Variants in SLIT3 observed in about 807,000 individuals in gnomAD.
SLIT3 encodes the protein slit guidance ligand 3, also known as slit homolog 3 protein.
Under a neutral mutation model 184.0 loss-of-function variants are expected in SLIT3, and 68 were observed. The ratio of observed to expected loss-of-function variants is 0.37; its 90% confidence interval spans 0.30 to 0.45. The LOEUF (loss-of-function observed/expected upper bound fraction) is 0.45, where lower values mean the gene tolerates loss of function less well. Ranked by LOEUF, SLIT3 falls within the 20% of genes least tolerant of loss-of-function variation. The probability of loss-of-function intolerance (pLI) is 1.00; values close to 1 mark genes in which losing one functional copy is unlikely to be tolerated. For synonymous variants in SLIT3, 831 were observed against 828.6 expected (o/e 1.00, Z -0.05); for missense variants, 1,707 against 2,026.0 (o/e 0.84, Z 3.02).
At chr5:168,723,237 ACC>A (rs1420332218) in intron 21 of SLIT3, among the ~76,000 whole-genome samples, 1 of 136,540 alleles carries the variant, frequency 7.3e-6, no homozygotes, top group African/African-American at 2.8e-5. Flanking sequence ...ACATCTACCC[ACC>A]CACCCACTTA....
chr5:168,740,811 T>C (rs1386783263), intron 20 of SLIT3, among the ~76,000 whole-genome samples: 6 of 152,236 alleles, frequency 3.9e-5, no homozygotes, highest in African/African-American at 7.2e-5. Flanking sequence ...GCCAATTATC[T>C]TTGTTATTTC....
chr5:169,202,711 T>G (rs1424029516), intron 3 of SLIT3, among the ~76,000 whole-genome samples: 2 of 151,910 alleles, frequency 1.3e-5, no homozygotes, highest in African/African-American at 2.4e-5. Context: ...TAGAGAACTC[T>G]GGGAGCTTGG....
In SLIT3 at chr5:168,726,338, T is replaced by G. The variant is rs72494510; in HGVS notation, c.2271-1854A>C. On this transcript the variant is annotated intron_variant, in intron 20 of 35. Transcript: ENST00000519560. ...CAGGCAATTAAAAATCAAATATAGG[T>G]GGAGAGGGAGGCAGGGAGGGAGAGG... is the stretch of plus-strand genomic sequence containing the variant. Among the ~76,000 whole-genome samples, 698 of 75,456 alleles carry G rather than the reference T, an allele frequency of 9.3e-3. 6 individuals are homozygous for G. Among genetic ancestry groups the G allele is most frequent in the East Asian group, 0.036 (54 of 1,520 alleles). The allele number at this position is 75,456 out of a possible 152,430, so 49.5% of individuals were successfully genotyped here. A position where few individuals can be genotyped will look rare whatever the true frequency, so the allele number is the denominator to read the frequency against.
At chr5:168,885,599 C>T (rs984915909) in intron 4 of SLIT3, among the ~76,000 whole-genome samples, 5 of 152,288 alleles carry the variant, frequency 3.3e-5, no homozygotes, top group Admixed American at 6.5e-5. Flanking sequence ...TGTAGGCCAC[C>T]GAGCCTTTGC....
chr5:169,285,852 C>G (rs1767135638), intron 1 of SLIT3, among the ~76,000 whole-genome samples: 1 of 152,204 alleles, frequency 6.6e-6, no homozygotes, highest in South Asian at 2.1e-4. Context: ...GTATTCAAGT[C>G]TCTCCTGGTC....
chr5:168,780,718 T>G (rs561733325), intron 12 of SLIT3, among the ~76,000 whole-genome samples: 1 of 152,362 alleles, frequency 6.6e-6, no homozygotes, highest in South Asian at 2.1e-4. Context: ...CTTCTTTTTA[T>G]TTCTCTAGTA....
chr5:169,124,829 T>C (rs1486352172), intron 4 of SLIT3, among the ~76,000 whole-genome samples: 2 of 152,218 alleles, frequency 1.3e-5, no homozygotes, highest in East Asian at 3.9e-4. Flanking sequence ...TACCTTCTAC[T>C]TCATGGCCTT....
chr5:168,689,453 C>G (rs1761844643), intron 29 of SLIT3, among the ~76,000 whole-genome samples: 1 of 152,184 alleles, frequency 6.6e-6, no homozygotes, highest in Admixed American at 6.5e-5. Context: ...CAGTCAGGCC[C>G]AGACTGATTC....
intron 4 of SLIT3, among the ~76,000 whole-genome samples, chr5:168,991,913 G>A (rs12518459): frequency 0.11 from 16,912 of 152,248 alleles, 1,313 homozygotes; most frequent in South Asian, 0.31. Context: ...TGGGGGCAAC[G>A]GCAGACCCTT....
chr5:169,051,491 C>G (rs1757813316), intron 4 of SLIT3, among the ~76,000 whole-genome samples: 1 of 152,108 alleles, frequency 6.6e-6, no homozygotes, highest in Admixed American at 6.5e-5. Context: ...TAATTGGAAT[C>G]AATAGACAGC....
At chr5:169,205,263 C>T (rs1456436014) in intron 3 of SLIT3, among the ~76,000 whole-genome samples, 1 of 152,202 alleles carries the variant, frequency 6.6e-6, no homozygotes, top group African/African-American at 2.4e-5. Context: ...TAGAGCTATG[C>T]AACTCCATGT....
At chr5:168,997,287 T>C (rs1358708877) in intron 4 of SLIT3, among the ~76,000 whole-genome samples, 3 of 152,258 alleles carry the variant, frequency 2.0e-5, no homozygotes, top group Admixed American at 2.0e-4. Flanking sequence ...ACACTTCGAC[T>C]GAGAATTTGT....
chr5:169,079,037 T>A (rs1758860933), intron 4 of SLIT3, among the ~76,000 whole-genome samples: 1 of 152,170 alleles, frequency 6.6e-6, no homozygotes, highest in Admixed American at 6.5e-5. Flanking sequence ...TTCCTAAAAT[T>A]CAGTCTCTGC....
At chr5:168,684,340 C>T (rs868110334) in intron 31 of SLIT3, among the ~76,000 whole-genome samples, 3 of 152,156 alleles carry the variant, frequency 2.0e-5, no homozygotes, top group South Asian at 4.1e-4. Context: ...TACTGTGCAC[C>T]ACTATGTTCA....
intron 1 of SLIT3, among the ~76,000 whole-genome samples, chr5:169,272,439 T>C (rs1408101653): frequency 2.0e-5 from 3 of 152,196 alleles, no homozygotes; most frequent in Non-Finnish European, 4.4e-5. Flanking sequence ...GGTAATTGGA[T>C]CTAACTGCAG....
chr5:168,725,322 A>G (rs1763073499), intron 20 of SLIT3, among the ~76,000 whole-genome samples: 1 of 152,192 alleles, frequency 6.6e-6, no homozygotes, highest in Non-Finnish European at 1.5e-5. Context: ...GTAATTATGT[A>G]ATCATGAATT....
intron 1 of SLIT3, among the ~76,000 whole-genome samples, chr5:169,287,767 G>T (rs966913169): frequency 6.6e-6 from 1 of 152,160 alleles, no homozygotes; most frequent in African/African-American, 2.4e-5. Context: ...TGGTGGACGC[G>T]TTTCTCAGGG....
intron 20 of SLIT3, among the ~76,000 whole-genome samples, chr5:168,736,580 C>A (rs142490603): frequency 1.3e-5 from 2 of 152,188 alleles, no homozygotes; most frequent in Admixed American, 6.5e-5. Flanking sequence ...GCCCAGCTGT[C>A]AGGATGGACA....
chr5:168,824,332 T>C (rs1453446618), intron 6 of SLIT3, among the ~76,000 whole-genome samples: 5 of 152,206 alleles, frequency 3.3e-5, no homozygotes, highest in Non-Finnish European at 7.3e-5. Context: ...CTACGGTGCC[T>C]GTTAGCTCTG....
Sources: gnomAD v4.1 joint callset for allele counts (sites outside exome capture counted in the v4.1 genomes callset) on GRCh38, gnomAD v4.1.1 for gene constraint, MANE v1.5 for transcripts, NCBI Gene and HGNC (gene_info 2026-07-23, HGNC 2026-07-21) for gene names.